The following AGBL4 variants were observed in gnomAD, a reference collection of about 807,000 sequenced individuals.
The protein encoded by AGBL4 is AGBL carboxypeptidase 4, also known as cytosolic carboxypeptidase 6.
In AGBL4, 58 loss-of-function variants were observed where a neutral mutation model predicts 66.4. That is an observed-to-expected ratio of 0.87 (90% CI 0.71 to 1.09). The LOEUF (loss-of-function observed/expected upper bound fraction) is 1.09. Ranked by LOEUF, AGBL4 falls within the 50% of genes least tolerant of loss-of-function variation. The pLI, the probability that AGBL4 is intolerant of heterozygous loss-of-function variation, is 0.00. For synonymous variants in AGBL4, 234 were observed against 222.9 expected, an observed-to-expected ratio of 1.05 and a Z score of -0.44; for missense variants, 579 against 631.0, an observed-to-expected ratio of 0.92 and a Z score of 0.88.
chr1:49,924,741 G>GA (rs1192450879), intron 1 of AGBL4, among the ~76,000 whole-genome samples: 1 of 152,064 alleles, frequency 6.6e-6, no homozygotes, highest in African/African-American at 2.4e-5. Flanking sequence ...CACTGTAACA[G>GA]AAAAAATAGA....
At chr1:49,234,543 G>A (rs1650567868) in intron 4 of AGBL4, among the ~76,000 whole-genome samples, 1 of 152,184 alleles carries the variant, frequency 6.6e-6, no homozygotes, top group African/African-American at 2.4e-5. Context: ...AAAGCAGGGA[G>A]ATTAATGATA....
intron 1 of AGBL4, among the ~76,000 whole-genome samples, chr1:49,935,437 T>A (rs1007934932): frequency 6.6e-6 from 1 of 152,166 alleles, no homozygotes; most frequent in Non-Finnish European, 1.5e-5. Flanking sequence ...AGCAGTAACC[T>A]CTGCAGACTT....
intron 11 of AGBL4, among the ~76,000 whole-genome samples, chr1:48,580,690 A>G (rs1644726554): frequency 6.6e-6 from 1 of 152,228 alleles, no homozygotes; most frequent in Non-Finnish European, 1.5e-5. Flanking sequence ...CTATCTATCT[A>G]TAAAGCCAAT....
At position 49,757,188 on chromosome 1, in the gene AGBL4, G is replaced by T. The variant is rs186693882; in HGVS notation, c.158-59751C>A. 1.7e-3 allele frequency among the ~76,000 whole-genome samples: 265 copies of T among 152,264 alleles called. 1 individual carries two copies. The highest frequency in any genetic ancestry group is 5.6e-3 in the African/African-American group (234 of 41,562). ...CTTCTCTCTCCTGCTATCATGTGAA[G>T]AAGAATGTGTTTGCTTCCCCTTCTG... On this transcript the variant is annotated intron_variant, in intron 2 of 13. Transcript: ENST00000371839.
Position 49,937,656 on chromosome 1 carries a change from C to A in AGBL4, c.34+86107G>T, listed in dbSNP as rs553266659. On this transcript the variant is annotated intron_variant, in intron 1 of 13. Transcript: ENST00000371839. ...ACAAACTGTCCCTCAGACCACAGTG[C>A]GATCAAACTAGAACGCAGGATTAAG... is the stretch of plus-strand genomic sequence containing the variant. Among the ~76,000 whole-genome samples the A allele has an allele frequency of 4.7e-4, 71 of 152,184 alleles. 1 individual carries two copies. The highest frequency in any genetic ancestry group is 1.5e-3 in the African/African-American group (63 of 41,530).
At chr1:49,697,515 C>T in intron 2 of AGBL4, 78 bp from the exon 3 acceptor site, 6 of 1,178,970 alleles carry the variant, frequency 5.1e-6, no homozygotes, top group East Asian at 5.3e-5. Flanking sequence ...AAATATTATG[C>T]TCTCTGATAG....
intron 9 of AGBL4, among the ~76,000 whole-genome samples, chr1:48,608,121 T>C (rs1197058895): frequency 1.3e-5 from 2 of 152,210 alleles, no homozygotes; most frequent in African/African-American, 4.8e-5. Context: ...ATGCCAATGA[T>C]TGGAACTGCC....
chr1:48,680,388 C>T (rs6671632), intron 6 of AGBL4, among the ~76,000 whole-genome samples: 24,001 of 152,152 alleles, frequency 0.16, 5,309 homozygotes, highest in African/African-American at 0.5. Flanking sequence ...GTTTTCCTTT[C>T]CTGGGATGTA....
intron 4 of AGBL4, among the ~76,000 whole-genome samples, chr1:49,102,014 T>C (rs1645210826): frequency 6.6e-6 from 1 of 150,666 alleles, no homozygotes; most frequent in African/African-American, 2.5e-5. Context: ...CATGATCAAC[T>C]GAGAGAGGGA....
chr1:49,424,759 G>A (rs1047411840), intron 3 of AGBL4, among the ~76,000 whole-genome samples: 3 of 152,152 alleles, frequency 2.0e-5, no homozygotes, highest in Admixed American at 1.3e-4. Context: ...GTATTAGAAG[G>A]CTCTTGTGGT....
chr1:49,875,588 G>C (rs1646976416), intron 1 of AGBL4, among the ~76,000 whole-genome samples: 1 of 148,014 alleles, frequency 6.8e-6, no homozygotes, highest in African/African-American at 2.5e-5. Flanking sequence ...CCAAGTCTTT[G>C]CTATTGTGAA....
intron 3 of AGBL4, among the ~76,000 whole-genome samples, chr1:49,364,213 AATACATTTAGTGT>A (rs1644198053): frequency 6.6e-6 from 1 of 152,198 alleles, no homozygotes; most frequent in Non-Finnish European, 1.5e-5. Flanking sequence ...TCTATTTAAA[AATACATTTAGTGT>A]ATATGCTTAA....
chr1:48,930,925 G>A (rs560035121), intron 5 of AGBL4, among the ~76,000 whole-genome samples: 1 of 152,248 alleles, frequency 6.6e-6, no homozygotes, highest in South Asian at 2.1e-4. Context: ...GCAATCTCAT[G>A]GCAGATGTGG....
At chr1:49,790,843 A>G (rs1042148858) in intron 2 of AGBL4, among the ~76,000 whole-genome samples, 7 of 152,184 alleles carry the variant, frequency 4.6e-5, no homozygotes, top group Admixed American at 2.0e-4. Flanking sequence ...AAGAGTAACA[A>G]CAGAAATGGC....
intron 1 of AGBL4, among the ~76,000 whole-genome samples, chr1:49,916,114 T>A (rs1246935928): frequency 4.6e-5 from 7 of 152,150 alleles, no homozygotes; most frequent in African/African-American, 1.7e-4. Context: ...CAAAGGTAGA[T>A]AAAACCACAA....
chr1:49,363,591 G>A (rs993528076), intron 3 of AGBL4, among the ~76,000 whole-genome samples: 5 of 152,138 alleles, frequency 3.3e-5, no homozygotes, highest in Admixed American at 1.3e-4. Flanking sequence ...TTGCCACTAG[G>A]GGGGAGTTAC....
At chr1:48,738,556 C>T (rs1265265320) in intron 6 of AGBL4, among the ~76,000 whole-genome samples, 1 of 152,236 alleles carries the variant, frequency 6.6e-6, no homozygotes, top group Non-Finnish European at 1.5e-5. Flanking sequence ...GCATCACTTC[C>T]CTTGATGACA....
At chr1:48,907,367 G>C (rs1056932079) in intron 5 of AGBL4, among the ~76,000 whole-genome samples, 1 of 152,174 alleles carries the variant, frequency 6.6e-6, no homozygotes, top group Non-Finnish European at 1.5e-5. Context: ...TAATGTAGCT[G>C]TCATACTATG....
intron 4 of AGBL4, among the ~76,000 whole-genome samples, chr1:49,185,325 C>T (rs1488071058): frequency 6.6e-6 from 1 of 152,168 alleles, no homozygotes; most frequent in Non-Finnish European, 1.5e-5. Flanking sequence ...AGGCCAGCTA[C>T]AAGCAAAGCA....
Sources: gnomAD v4.1 joint callset for allele counts (sites outside exome capture counted in the v4.1 genomes callset) on GRCh38, gnomAD v4.1.1 for gene constraint, MANE v1.5 for transcripts, NCBI Gene and HGNC (gene_info 2026-07-23, HGNC 2026-07-21) for gene names.